PTPRD: variants seen among roughly 807,000 people sequenced by gnomAD.
PTPRD encodes the protein receptor-type tyrosine-protein phosphatase delta.
In PTPRD, 34 loss-of-function variants were observed where a neutral mutation model predicts 214.5. The ratio of observed to expected loss-of-function variants is 0.16; its 90% CI spans 0.12 to 0.21. The LOEUF is 0.21. Among genes scored for constraint, PTPRD ranks in the 10% least tolerant of loss-of-function variants. The pLI is 1.00. For synonymous variants in PTPRD, 1,128 were observed against 845.7 expected (o/e 1.33, Z -5.79); for missense variants, 2,545 against 2,398.7 (o/e 1.06, Z -1.27).
intron 11 of PTPRD, among the ~76,000 whole-genome samples, chr9:8,887,342 G>A (rs559995043): frequency 2.0e-5 from 3 of 152,022 alleles, no homozygotes; most frequent in Admixed American, 6.6e-5. Context: ...AAAAACCATC[G>A]TGGCAGTGAG....
intron 32 of PTPRD, among the ~76,000 whole-genome samples, chr9:8,463,764 T>C (rs1397613966): frequency 6.6e-6 from 1 of 151,948 alleles, no homozygotes; most frequent in African/African-American, 2.4e-5. Context: ...AGGGGATAGC[T>C]TGTGTCTTTG....
intron 5 of PTPRD, among the ~76,000 whole-genome samples, chr9:9,807,302 T>C (rs1713643670): frequency 6.6e-6 from 1 of 152,136 alleles, no homozygotes; most frequent in South Asian, 2.1e-4. Flanking sequence ...ATACACATTT[T>C]CTATTCCCTG....
chr9:9,916,567 T>C (rs1296778583), intron 5 of PTPRD, among the ~76,000 whole-genome samples: 1 of 151,928 alleles, frequency 6.6e-6, no homozygotes, highest in Non-Finnish European at 1.5e-5. Flanking sequence ...ACATATATGT[T>C]GCCTACAAGA....
rs5896301 is a variant in PTPRD, at chr9:9,106,612, C to CAAAAAAAAAAAAAA, written c.-143+76678_-143+76691dup. On this transcript the variant is annotated intron_variant, in intron 10 of 45. Transcript: ENST00000381196. ...TTGCTGTTAACCTATATTCCATAGG[C>CAAAAAAAAAAAAAA]AAAAAAAAAAAAAAAAAAAAAAAGG... is the stretch of plus-strand genomic sequence containing the variant. 2.8e-5 allele frequency among the ~76,000 whole-genome samples: 2 copies of CAAAAAAAAAAAAAA among 71,632 alleles called. 1 individual carries two copies. Among genetic ancestry groups the CAAAAAAAAAAAAAA allele is most frequent in the Non-Finnish European group, 5.0e-5 (2 of 40,182 alleles). The allele number at this position is 71,632 out of a possible 152,430, so 47.0% of individuals were successfully genotyped here. A position where few individuals can be genotyped will look rare whatever the true frequency, so the allele number is the denominator to read the frequency against.
At chr9:10,489,051 C>T (rs993949656) in intron 2 of PTPRD, among the ~76,000 whole-genome samples, 1 of 152,100 alleles carries the variant, frequency 6.6e-6, no homozygotes, top group Non-Finnish European at 1.5e-5. Flanking sequence ...GACACCACAG[C>T]TGGGAACGTG....
chr9:10,191,250 A>G (rs899789017), intron 3 of PTPRD, among the ~76,000 whole-genome samples: 1 of 152,056 alleles, frequency 6.6e-6, no homozygotes, highest in African/African-American at 2.4e-5. Context: ...CCTCTGAGAA[A>G]TATATTAATA....
intron 3 of PTPRD, among the ~76,000 whole-genome samples, chr9:10,180,532 T>G (rs534569186): frequency 1.3e-5 from 2 of 151,694 alleles, no homozygotes; most frequent in African/African-American, 2.4e-5. Flanking sequence ...TTCCAGAAAT[T>G]TTTAAGATGA....
chr9:9,387,680 G>C (rs535266269), intron 9 of PTPRD, among the ~76,000 whole-genome samples: 5 of 152,138 alleles, frequency 3.3e-5, no homozygotes, highest in Admixed American at 2.6e-4. Context: ...GCTATTATTT[G>C]TCACATTGAA....
intron 34 of PTPRD, among the ~76,000 whole-genome samples, chr9:8,446,123 T>A (rs2095714767): frequency 6.6e-6 from 1 of 152,236 alleles, no homozygotes; most frequent in Non-Finnish European, 1.5e-5. Context: ...CAGGTTTCTC[T>A]GTCTTTTCTT....
intron 3 of PTPRD, among the ~76,000 whole-genome samples, chr9:10,095,279 C>T (rs1254934712): frequency 1.3e-5 from 2 of 151,318 alleles, no homozygotes; most frequent in African/African-American, 4.8e-5. Context: ...GATAAAAGTA[C>T]CCAATATCCC....
chr9:8,529,635 C>T (rs146014716), intron 14 of PTPRD, among the ~76,000 whole-genome samples: 27 of 152,264 alleles, frequency 1.8e-4, no homozygotes, highest in Non-Finnish European at 3.7e-4. Flanking sequence ...AAATTAAAAT[C>T]ACTTAAATCC....
At chr9:8,451,144 G>A (rs2095930050) in intron 33 of PTPRD, among the ~76,000 whole-genome samples, 1 of 152,210 alleles carries the variant, frequency 6.6e-6, no homozygotes, top group Admixed American at 6.5e-5. Flanking sequence ...AGGGGGTGAA[G>A]AGAAGATTGA....
chr9:10,385,968 G>A (rs1303584283), intron 2 of PTPRD, among the ~76,000 whole-genome samples: 1 of 151,546 alleles, frequency 6.6e-6, no homozygotes, highest in African/African-American at 2.4e-5. Context: ...AGCATCTTTT[G>A]AACAATTATT....
At chr9:10,008,865 G>A (rs1488346805) in intron 4 of PTPRD, among the ~76,000 whole-genome samples, 3 of 151,818 alleles carry the variant, frequency 2.0e-5, no homozygotes, top group Non-Finnish European at 4.4e-5. Flanking sequence ...TGCCTCTGGT[G>A]AAAAATCAGA....
intron 8 of PTPRD, among the ~76,000 whole-genome samples, chr9:9,452,575 G>GA (rs1267696609): frequency 6.6e-6 from 1 of 150,984 alleles, no homozygotes; most frequent in Non-Finnish European, 1.5e-5. Flanking sequence ...GAGAAAGAGA[G>GA]AAAAAAACTT....
chr9:10,197,179 A>C (rs1362175458), intron 3 of PTPRD, among the ~76,000 whole-genome samples: 1 of 151,576 alleles, frequency 6.6e-6, no homozygotes, highest in Non-Finnish European at 1.5e-5. Context: ...CTGCACCCCC[A>C]CCCCACCACT....
chr9:8,841,904 G>C (rs565065916), intron 11 of PTPRD, among the ~76,000 whole-genome samples: 4 of 151,784 alleles, frequency 2.6e-5, no homozygotes, highest in Admixed American at 2.6e-4. Flanking sequence ...CCAGCTACTC[G>C]GGAGGCTGAG....
chr9:10,106,959 G>T (rs1159732017), intron 3 of PTPRD, among the ~76,000 whole-genome samples: 1 of 151,778 alleles, frequency 6.6e-6, no homozygotes, highest in Non-Finnish European at 1.5e-5. Flanking sequence ...AGAGGAAAAG[G>T]TAACAGCCAC....
intron 4 of PTPRD, among the ~76,000 whole-genome samples, chr9:10,012,082 C>G (rs1432875016): frequency 1.3e-5 from 2 of 151,896 alleles, no homozygotes; most frequent in African/African-American, 2.4e-5. Context: ...AAAGTACTAA[C>G]ATATGTAAGA....
Sources: allele counts gnomAD v4.1 joint callset (sites outside exome capture counted in the v4.1 genomes callset), GRCh38; gene constraint gnomAD v4.1.1; transcripts MANE v1.5; gene names NCBI Gene and HGNC (gene_info 2026-07-23, HGNC 2026-07-21).